The following METTL16 variants were observed in gnomAD, a reference collection of about 807,000 sequenced individuals.
METTL16 encodes RNA N(6)-adenosine-methyltransferase METTL16.
METTL16 carries 19 observed loss-of-function variants against 57.9 expected under a neutral mutation model. The observed-to-expected ratio is 0.33, with a 90% CI of 0.23 to 0.48. The LOEUF (loss-of-function observed/expected upper bound fraction) is 0.48, where lower values mean the gene tolerates loss of function less well. Ranked by LOEUF, METTL16 falls within the 20% of genes least tolerant of loss-of-function variation. The pLI is 0.99. For synonymous variants in METTL16, 246 were observed against 255.6 expected (o/e 0.96, Z 0.36); for missense variants, 434 against 691.5 (o/e 0.63, Z 4.18).
chr17:2,426,537 T>C (rs1331144635), intron 8 of METTL16, among the ~76,000 whole-genome samples: 1 of 151,846 alleles, frequency 6.6e-6, no homozygotes, highest in East Asian at 1.9e-4. Context: ...AAGACTAGCC[T>C]GGCCAACATG....
intron 6 of METTL16, among the ~76,000 whole-genome samples, chr17:2,444,554 T>C (rs1379071044): frequency 6.6e-6 from 1 of 152,144 alleles, no homozygotes; most frequent in Non-Finnish European, 1.5e-5. Context: ...TTTTAAAAAA[T>C]AAAGTGTAGC....
intron 2 of METTL16, among the ~76,000 whole-genome samples, chr17:2,489,259 A>C (rs185887485): frequency 6.6e-6 from 1 of 152,202 alleles, no homozygotes; most frequent in Non-Finnish European, 1.5e-5. Flanking sequence ...CTTCAGGCTG[A>C]TCTTTTAAAT....
rs368803419 is a variant in METTL16 at position 2,465,679 on chromosome 17, A to G, written c.586-1329T>C. Among the ~76,000 whole-genome samples the G allele has an allele frequency of 2.6e-5, 4 of 151,832 alleles. No homozygotes were observed. In the East Asian group the frequency reaches 5.8e-4, roughly 22 times the overall value. ...GGATTTCGAGACCAGCCTGGCCAAC[A>G]TGGTAAAACCCTGTCTCTAATAAAA... is the stretch of plus-strand genomic sequence containing the variant. On this transcript the variant is annotated intron_variant, in intron 5 of 9. Coordinates refer to ENST00000263092, the MANE Select transcript of METTL16 (RefSeq NM_024086.4).
Position 2,444,575 on chromosome 17 carries a change from G to A in METTL16, c.729-3016C>T, listed in dbSNP as rs1000497399. Among the ~76,000 whole-genome samples, 11 of 152,218 alleles carry A rather than the reference G, an allele frequency of 7.2e-5. No homozygotes were observed. The South Asian group carries it at 1.0e-3, about 14-fold the overall frequency. On this transcript the variant is annotated intron_variant, in intron 6 of 9. Transcript: ENST00000263092. ...AAAATAAAGTGTAGCTTAAGTGTAC[G>A]GTGTTTATAAAGTCTACAATACTAT...
intron 1 of METTL16, 69 bp from the exon 2 acceptor site, chr17:2,502,400 G>A (rs983178919): frequency 6.7e-7 from 1 of 1,493,662 alleles, no homozygotes; most frequent in Admixed American, 1.7e-5. Flanking sequence ...GCCGGGTGCG[G>A]TGCCTCATGC....
chr17:2,464,175 A>C (rs1200834567), intron 6 of METTL16, 33 bp downstream of exon 6: 1 of 1,596,466 alleles, frequency 6.3e-7, no homozygotes, highest in Non-Finnish European at 8.5e-7. Context: ...CTGTGTTGTA[A>C]AGATGGACTC....
intron 4 of METTL16, among the ~76,000 whole-genome samples, chr17:2,469,039 T>C (rs1027147564): frequency 6.6e-6 from 1 of 151,790 alleles, no homozygotes; most frequent in African/African-American, 2.4e-5. Flanking sequence ...GTTCGAGACC[T>C]GCCTGGCCAA....
chr17:2,475,362 C>A (rs1390440782), intron 3 of METTL16: 1 of 152,208 alleles, frequency 6.6e-6, no homozygotes, highest in Non-Finnish European at 1.5e-5. Context: ...AACCACAGTT[C>A]TTTGGCTGCT....
At chr17:2,427,512 T>C (rs957466700) in intron 8 of METTL16, among the ~76,000 whole-genome samples, 1 of 152,138 alleles carries the variant, frequency 6.6e-6, no homozygotes, top group Admixed American at 6.5e-5. Flanking sequence ...AGAAATCACT[T>C]TGTTGATGGT....
chr17:2,488,856 AATT>A (rs1567902954), intron 2 of METTL16, among the ~76,000 whole-genome samples: 1 of 152,226 alleles, frequency 6.6e-6, no homozygotes, highest in Admixed American at 6.5e-5. Context: ...AGTGGCCTTA[AATT>A]ATTATTCGCG....
Position 2,502,221 on chromosome 17 carries a change from A to T in METTL16, c.111T>A (p.Asn37Lys). 1 of 1,613,808 alleles carries T rather than the reference A, an allele frequency of 6.2e-7. No homozygotes were observed. The highest frequency in any genetic ancestry group is 8.5e-7 in the Non-Finnish European group (1 of 1,179,936). ...TTACCTACCTCACTCTTCCATTCAGATTTATCTGAACATGCTGCTTAAAAT... is the reference window on the plus strand; with the variant it reads ...TTACCTACCTCACTCTTCCATTCAGTTTTATCTGAACATGCTGCTTAAAAT... ...YPDFKQHVQI[N>K]LNGRVSLNFK... Residue 37 changes from asparagine (N) to lysine (K), a missense_variant, in exon 2 of 10, where the codon AAT becomes AAA. Transcript: ENST00000263092.
intron 6 of METTL16, among the ~76,000 whole-genome samples, chr17:2,446,591 G>GCTCTCCCTCTCCCTCTCTCC (rs2066996979): frequency 7.0e-6 from 1 of 142,702 alleles, no homozygotes; most frequent in African/African-American, 2.9e-5. Flanking sequence ...GAGCATCCTG[G>GCTCTCCCTCTCCCTCTCTCC]CTCTCCCTCT....
intron 7 of METTL16, among the ~76,000 whole-genome samples, chr17:2,439,256 C>T (rs1004049889): frequency 8.5e-5 from 13 of 152,072 alleles, no homozygotes; most frequent in African/African-American, 2.7e-4. Flanking sequence ...ACTACAAGCA[C>T]GCGCCATCAC....
chr17:2,472,318 G>C (rs996503729), intron 4 of METTL16, among the ~76,000 whole-genome samples: 10 of 152,152 alleles, frequency 6.6e-5, no homozygotes, highest in African/African-American at 2.4e-4. Flanking sequence ...AAGGATGTGA[G>C]CAACAGGAAC....
intron 2 of METTL16, among the ~76,000 whole-genome samples, chr17:2,494,223 T>C (rs1278227691): frequency 6.6e-6 from 1 of 152,078 alleles, no homozygotes; most frequent in Non-Finnish European, 1.5e-5. Context: ...GGTTTCTCCA[T>C]GTTGGCCAGG....
At position 2,464,355 on chromosome 17, in the gene METTL16, A is replaced by G; in HGVS notation, c.586-5T>C. 1 of 1,587,678 alleles carries G rather than the reference A, an allele frequency of 6.3e-7. No homozygotes were observed. Among genetic ancestry groups the G allele is most frequent in the Non-Finnish European group, 8.5e-7 (1 of 1,171,922 alleles). The stretch of plus-strand genomic sequence containing the variant: ...AGGATTTCGTGAGTTTACTCCCTGA[A>G]AAACAACAAAAAACCCTGGTGAAAA... On this transcript the variant is annotated splice_polypyrimidine_tract_variant and splice_region_variant and intron_variant, in intron 5 of 9. Coordinates refer to ENST00000263092, the MANE Select transcript of METTL16 (RefSeq NM_024086.4).
intron 1 of METTL16, among the ~76,000 whole-genome samples, chr17:2,506,520 G>A (rs1217282465): frequency 1.7e-4 from 26 of 149,854 alleles, no homozygotes; most frequent in Middle Eastern, 3.2e-3. Flanking sequence ...GCTCCTAACC[G>A]CGAGTGATCC....
rs2066724234 is a variant in METTL16 at position 2,417,084 on chromosome 17, TTGA to T, written c.*2883_*2885del. 1 of 139,926 alleles carries T rather than the reference TTGA, an allele frequency of 7.1e-6. No homozygotes were observed. The highest frequency in any genetic ancestry group is 2.7e-5 in the African/African-American group (1 of 36,730). 8.7% of individuals were successfully genotyped at this position (139,926 alleles called of 1,614,324 possible). ...TTTTTTTTTTTTTTTTTTTTTTTTTTTGAGACAGTCCCACTTTGTCGCCCAGGC... is the reference window on the plus strand; with the variant it reads ...TTTTTTTTTTTTTTTTTTTTTTTTTTGACAGTCCCACTTTGTCGCCCAGGC... On this transcript the variant is annotated 3_prime_UTR_variant, in exon 10 of 10. Transcript: ENST00000263092.
intron 2 of METTL16, among the ~76,000 whole-genome samples, chr17:2,493,639 A>G (rs1177940164): frequency 6.7e-6 from 1 of 149,976 alleles, no homozygotes; most frequent in Non-Finnish European, 1.5e-5. Context: ...GAATTGCTTG[A>G]GCTCAGGTGG....
Sources: gnomAD v4.1 joint callset for allele counts (sites outside exome capture counted in the v4.1 genomes callset) on GRCh38, gnomAD v4.1.1 for gene constraint, MANE v1.5 for transcripts, NCBI Gene and HGNC (gene_info 2026-07-23, HGNC 2026-07-21) for gene names.